The following SYT14 variants were observed in gnomAD, a reference collection of about 807,000 sequenced individuals.
SYT14 encodes the protein synaptotagmin 14.
In SYT14, 32 loss-of-function variants were observed where a neutral mutation model predicts 74.2. That is an observed-to-expected ratio of 0.43 (90% CI 0.33 to 0.58). SYT14 has a LOEUF of 0.58. SYT14 is among the 20% of genes least tolerant of loss of function. SYT14 has a pLI of 0.05. For synonymous variants in SYT14, 298 were observed against 337.7 expected (o/e 0.88, Z 1.29); for missense variants, 791 against 981.8 (o/e 0.81, Z 2.60).
At chr1:210,053,380 T>A (rs923691668) in intron 5 of SYT14, among the ~76,000 whole-genome samples, 1 of 152,198 alleles carries the variant, frequency 6.6e-6, no homozygotes, top group Admixed American at 6.5e-5. Context: ...AAAGTTAAAT[T>A]GGTATAGATC....
intron 1 of SYT14, among the ~76,000 whole-genome samples, chr1:209,948,075 A>G (rs1354481109): frequency 1.3e-5 from 2 of 152,348 alleles, no homozygotes; most frequent in African/African-American, 2.4e-5. Context: ...TAACTTTTGT[A>G]TGCACTGGGA....
intron 7 of SYT14, among the ~76,000 whole-genome samples, chr1:210,154,923 C>G (rs1165310087): frequency 6.6e-6 from 1 of 152,110 alleles, no homozygotes; most frequent in East Asian, 1.9e-4. Context: ...ATATTCAAGT[C>G]TTCTACATCC....
chr1:209,997,243 T>G (rs966492106), intron 2 of SYT14, among the ~76,000 whole-genome samples: 2 of 152,110 alleles, frequency 1.3e-5, no homozygotes, highest in African/African-American at 4.8e-5. Context: ...ACCAAAAGGC[T>G]GCAAGAACTG....
chr1:210,108,620 G>T (rs1254867491), intron 7 of SYT14, among the ~76,000 whole-genome samples: 5 of 148,930 alleles, frequency 3.4e-5, no homozygotes, highest in African/African-American at 9.8e-5. Flanking sequence ...TAATGCAAAT[G>T]ATTTGATTAA....
At chr1:210,008,759 A>C (rs2080033919) in intron 2 of SYT14, among the ~76,000 whole-genome samples, 1 of 152,208 alleles carries the variant, frequency 6.6e-6, no homozygotes, top group African/African-American at 2.4e-5. Context: ...GAAAGAAGGT[A>C]TAGGTATAGA....
chr1:209,962,909 C>T (rs898968598), intron 2 of SYT14, among the ~76,000 whole-genome samples: 8 of 152,086 alleles, frequency 5.3e-5, no homozygotes, highest in Non-Finnish European at 1.0e-4. Context: ...TTATTTCTTC[C>T]TCTAATGGCT....
At chr1:209,968,915 A>G (rs2079199977) in intron 2 of SYT14, among the ~76,000 whole-genome samples, 1 of 151,952 alleles carries the variant, frequency 6.6e-6, no homozygotes, top group South Asian at 2.1e-4. Flanking sequence ...CCACTCTTAT[A>G]GTCCCCAGTG....
chr1:209,991,995 T>C (rs1304947215), intron 2 of SYT14, among the ~76,000 whole-genome samples: 1 of 152,184 alleles, frequency 6.6e-6, no homozygotes, highest in African/African-American at 2.4e-5. Context: ...GCAATCTCAT[T>C]ACTTAGTATA....
At chr1:210,029,837 T>A (rs915744961) in intron 5 of SYT14, among the ~76,000 whole-genome samples, 3 of 152,212 alleles carry the variant, frequency 2.0e-5, no homozygotes, top group African/African-American at 7.2e-5. Context: ...ACTTTTGGTA[T>A]TATTGACATG....
chr1:210,026,007 A>T (rs1409333663), intron 5 of SYT14, among the ~76,000 whole-genome samples: 4 of 152,162 alleles, frequency 2.6e-5, no homozygotes, highest in African/African-American at 9.7e-5. Flanking sequence ...TAAATCTGAA[A>T]TACACATATT....
chr1:210,044,874 G>A (rs903247360), intron 5 of SYT14, among the ~76,000 whole-genome samples: 3 of 152,146 alleles, frequency 2.0e-5, no homozygotes, highest in Admixed American at 2.0e-4. Context: ...CACATCACAT[G>A]GTGAGAATGG....
chr1:210,167,700 G>C (rs76179878), exon 10 of SYT14: 2 of 152,098 alleles, frequency 1.3e-5, no homozygotes, highest in East Asian at 3.9e-4. Context: ...GACAGCTTGA[G>C]GTCTGGTTAA....
At chr1:210,160,515 T>C (rs1010329123) in intron 9 of SYT14, among the ~76,000 whole-genome samples, 1 of 152,168 alleles carries the variant, frequency 6.6e-6, no homozygotes, top group South Asian at 2.1e-4. Context: ...TAAGATATTA[T>C]TACTACCAAA....
At chr1:209,989,808 AGTGT>A (rs2079633371) in intron 2 of SYT14, among the ~76,000 whole-genome samples, 1 of 152,076 alleles carries the variant, frequency 6.6e-6, no homozygotes, top group Non-Finnish European at 1.5e-5. Flanking sequence ...TGCTTTGCCT[AGTGT>A]GTATATATGA....
At chr1:209,986,981 A>C (rs899908340) in intron 2 of SYT14, among the ~76,000 whole-genome samples, 1 of 152,174 alleles carries the variant, frequency 6.6e-6, no homozygotes, top group Non-Finnish European at 1.5e-5. Context: ...AATGCAACCA[A>C]GCTCTTTGTT....
chr1:210,159,711 A>ATTCAT (rs1385685003), intron 9 of SYT14, among the ~76,000 whole-genome samples: 7 of 152,194 alleles, frequency 4.6e-5, no homozygotes, highest in Non-Finnish European at 8.8e-5. Flanking sequence ...TTATTTTTTC[A>ATTCAT]TTCATTTGTA....
At chr1:209,964,400 T>C (rs2079123326) in intron 2 of SYT14, among the ~76,000 whole-genome samples, 1 of 152,178 alleles carries the variant, frequency 6.6e-6, no homozygotes, top group African/African-American at 2.4e-5. Flanking sequence ...TCAGTTTCTG[T>C]AGTTAAGATT....
chr1:210,153,960 C>A (rs1234814800), intron 7 of SYT14, among the ~76,000 whole-genome samples: 1 of 151,866 alleles, frequency 6.6e-6, no homozygotes, highest in African/African-American at 2.4e-5. Context: ...TTTTATAATG[C>A]CCTTATTAGA....
intron 7 of SYT14, among the ~76,000 whole-genome samples, chr1:210,138,192 C>T (rs2082832228): frequency 6.6e-6 from 1 of 152,174 alleles, no homozygotes; most frequent in South Asian, 2.1e-4. Context: ...GGGGAAGTCT[C>T]ACAACCATGG....
Sources: allele counts gnomAD v4.1 joint callset (sites outside exome capture counted in the v4.1 genomes callset), GRCh38; gene constraint gnomAD v4.1.1; transcripts MANE v1.5; gene names NCBI Gene and HGNC (gene_info 2026-07-23, HGNC 2026-07-21).